The following LTBP1 variants were observed in gnomAD, a reference collection of about 807,000 sequenced individuals.
LTBP1 encodes the protein latent transforming growth factor beta binding protein 1, also known as latent-transforming growth factor beta-binding protein 1.
LTBP1 carries 129 observed loss-of-function variants against 207.6 expected under a neutral mutation model. The observed-to-expected ratio is 0.62, with a 90% CI of 0.54 to 0.72. LTBP1 has a LOEUF of 0.72. Among genes scored for constraint, LTBP1 ranks in the 30% least tolerant of loss-of-function variants. LTBP1 has a pLI of 0.00. For missense variants in LTBP1, 2,281 were observed against 2,217.2 expected (o/e 1.03, Z -0.58); for synonymous variants, 963 against 833.7 (o/e 1.16, Z -2.67).
chr2:33,393,234 CTTTTT>C (rs569734292), intron 32 of LTBP1, among the ~76,000 whole-genome samples: 1,458 of 48,768 alleles, frequency 0.03, 18 homozygotes, highest in Middle Eastern at 0.094. Context: ...CCTTCTTCTT[CTTTTT>C]TTTTTTTTTT....
intron 4 of LTBP1, among the ~76,000 whole-genome samples, chr2:33,121,753 T>C (rs936749285): frequency 2.0e-5 from 3 of 152,228 alleles, no homozygotes; most frequent in African/African-American, 2.4e-5. Context: ...TCAAAAATAC[T>C]GTACTGACCT....
At chr2:33,128,259 A>G (rs1172575995) in intron 4 of LTBP1, among the ~76,000 whole-genome samples, 1 of 152,250 alleles carries the variant, frequency 6.6e-6, no homozygotes, top group South Asian at 2.1e-4. Flanking sequence ...ATGTGGGGAT[A>G]AATAAAACCT....
chr2:33,032,658 TATAAA>T (rs1230145421), intron 3 of LTBP1, among the ~76,000 whole-genome samples: 5 of 152,206 alleles, frequency 3.3e-5, no homozygotes, highest in Admixed American at 2.0e-4. Context: ...TTTAAAATAA[TATAAA>T]ATAAGTAACA....
chr2:32,969,235 G>GTT (rs1680482915), intron 2 of LTBP1, among the ~76,000 whole-genome samples: 1 of 106,824 alleles, frequency 9.4e-6, no homozygotes, highest in South Asian at 3.1e-4. Flanking sequence ...CAATTTGTGT[G>GTT]TGTGTGTGTG....
intron 9 of LTBP1, among the ~76,000 whole-genome samples, chr2:33,231,779 G>A: frequency 6.6e-6 from 1 of 152,180 alleles, no homozygotes; most frequent in East Asian, 1.9e-4. Context: ...TTAAGGCAAA[G>A]CTCTTATAAT....
At chr2:33,168,235 T>C (rs1031960555) in intron 5 of LTBP1, among the ~76,000 whole-genome samples, 3 of 151,542 alleles carry the variant, frequency 2.0e-5, no homozygotes, top group African/African-American at 7.3e-5. Flanking sequence ...AAAAGAAAAT[T>C]AGCCAGGCTT....
chr2:33,341,714 C>CAAAAAAAA (rs1212498794), intron 24 of LTBP1, among the ~76,000 whole-genome samples: 13 of 113,058 alleles, frequency 1.1e-4, no homozygotes, highest in African/African-American at 5.1e-4. Context: ...CCGTCTCACT[C>CAAAAAAAA]AAAAAAAAAA....
At chr2:33,010,682 T>C (rs1376638562) in intron 2 of LTBP1, among the ~76,000 whole-genome samples, 1 of 152,056 alleles carries the variant, frequency 6.6e-6, no homozygotes, top group Non-Finnish European at 1.5e-5. Flanking sequence ...TTTTTGAACA[T>C]TGTTTTTGAT....
intron 5 of LTBP1, among the ~76,000 whole-genome samples, chr2:33,153,707 C>G (rs2083723049): frequency 6.6e-6 from 1 of 152,144 alleles, no homozygotes. Context: ...TTGCCAATTC[C>G]TGGTAAATTC....
intron 3 of LTBP1, among the ~76,000 whole-genome samples, chr2:33,069,227 G>A (rs888771465): frequency 2.0e-5 from 3 of 152,104 alleles, no homozygotes; most frequent in Admixed American, 6.5e-5. Context: ...CCAGACTTCC[G>A]AGAGCCTGGA....
In LTBP1 at chr2:33,186,977, A is replaced by G. The variant is rs2148814402; in HGVS notation, c.1323A>G (p.Lys441=). Reference sequence around the variant, plus strand: ...CAGTCCATGGTGCCAGCGTGCCTAAACTTTATCAGCATTCCCAGCAGCCAG... The same window carrying G: ...CAGTCCATGGTGCCAGCGTGCCTAAGCTTTATCAGCATTCCCAGCAGCCAG... The part of the protein sequence containing the change: ...QIPVHGASVP[K]LYQHSQQPGK... The change falls in exon 6 of 34, where the codon AAA becomes AAG. Residue 441 remains lysine (K), a synonymous_variant. Coordinates refer to ENST00000404816, the MANE Select transcript of LTBP1 (RefSeq NM_206943.4). 1.2e-6 allele frequency: 2 copies of G among 1,614,198 alleles called. No homozygotes were observed. The highest frequency in any genetic ancestry group is 1.6e-4 in the Middle Eastern group (1 of 6,062).
chr2:33,032,669 TA>T (rs1197103768), intron 3 of LTBP1, among the ~76,000 whole-genome samples: 1 of 152,210 alleles, frequency 6.6e-6, no homozygotes, highest in Non-Finnish European at 1.5e-5. Context: ...ATAAAATAAG[TA>T]ACAGTATGAC....
At chr2:33,290,259 C>T (rs773727097) in intron 19 of LTBP1, among the ~76,000 whole-genome samples, 3 of 152,212 alleles carry the variant, frequency 2.0e-5, no homozygotes, top group Non-Finnish European at 4.4e-5. Flanking sequence ...CTTCCCTATG[C>T]TGCCACCTTG....
intron 19 of LTBP1, among the ~76,000 whole-genome samples, chr2:33,289,840 G>A (rs776486127): frequency 6.6e-6 from 1 of 152,142 alleles, no homozygotes; most frequent in Non-Finnish European, 1.5e-5. Flanking sequence ...AAAACCAGAG[G>A]CATAATCATC....
chr2:33,374,226 G>C (rs2150260821), intron 31 of LTBP1, among the ~76,000 whole-genome samples: 1 of 152,298 alleles, frequency 6.6e-6, no homozygotes, highest in South Asian at 2.1e-4. Flanking sequence ...AATCACTTTG[G>C]AACACCCTAC....
chr2:33,353,745 C>T (rs796930629), intron 26 of LTBP1, among the ~76,000 whole-genome samples: 10 of 152,260 alleles, frequency 6.6e-5, no homozygotes, highest in African/African-American at 2.4e-4. Flanking sequence ...AGAACATCTC[C>T]CCACTGTCAA....
At chr2:33,048,352 T>C (rs2076550241) in intron 3 of LTBP1, among the ~76,000 whole-genome samples, 1 of 152,164 alleles carries the variant, frequency 6.6e-6, no homozygotes, top group African/African-American at 2.4e-5. Flanking sequence ...TAAAAATCCT[T>C]CAAATTTCTC....
At chr2:32,993,886 T>G (rs1684828650) in intron 2 of LTBP1, among the ~76,000 whole-genome samples, 1 of 152,118 alleles carries the variant, frequency 6.6e-6, no homozygotes, top group Non-Finnish European at 1.5e-5. Context: ...TTCCTGCTAC[T>G]TGAAGTTACC....
intron 24 of LTBP1, among the ~76,000 whole-genome samples, chr2:33,334,614 A>C (rs1252163252): frequency 2.0e-5 from 3 of 152,194 alleles, no homozygotes; most frequent in African/African-American, 7.2e-5. Context: ...TTTTTGGGTA[A>C]CTAGGATGAT....
Sources: allele counts gnomAD v4.1 joint callset (sites outside exome capture counted in the v4.1 genomes callset), GRCh38; gene constraint gnomAD v4.1.1; transcripts MANE v1.5; gene names NCBI Gene and HGNC (gene_info 2026-07-23, HGNC 2026-07-21).